NOL4: variants seen among roughly 807,000 people sequenced by gnomAD.
NOL4 encodes nucleolar protein 4, also known as cancer/testis antigen 125.
Under a neutral mutation model 75.9 loss-of-function variants are expected in NOL4, and 17 were observed. That is an observed-to-expected ratio of 0.22 (90% CI 0.15 to 0.34). The LOEUF is 0.34. Ranked by LOEUF, NOL4 falls within the 10% of genes least tolerant of loss-of-function variation. The probability of loss-of-function intolerance (pLI) is 1.00; values close to 1 mark genes in which losing one functional copy is unlikely to be tolerated. For missense variants in NOL4, 614 were observed against 793.5 expected, an observed-to-expected ratio of 0.77 and a Z score of 2.72; for synonymous variants, 292 against 289.9, an observed-to-expected ratio of 1.01 and a Z score of -0.07.
chr18:34,174,466 C>G (rs1354762746), intron 1 of NOL4, among the ~76,000 whole-genome samples: 1 of 152,098 alleles, frequency 6.6e-6, no homozygotes, highest in African/African-American at 2.4e-5. Context: ...TTAGCTTGCT[C>G]TAGATTCATC....
At chr18:34,181,035 C>T (rs188099956) in intron 1 of NOL4, among the ~76,000 whole-genome samples, 2 of 151,326 alleles carry the variant, frequency 1.3e-5, no homozygotes, top group African/African-American at 4.8e-5. Flanking sequence ...ATCAAAATTC[C>T]AAATGTCTTT....
chr18:33,870,765 T>C (rs2063661632), intron 10 of NOL4, among the ~76,000 whole-genome samples: 1 of 151,976 alleles, frequency 6.6e-6, no homozygotes, highest in South Asian at 2.1e-4. Context: ...CTATATCACC[T>C]GAAATAGGCA....
chr18:34,117,023 T>C (rs2079893186), intron 2 of NOL4, among the ~76,000 whole-genome samples: 1 of 152,174 alleles, frequency 6.6e-6, no homozygotes, highest in African/African-American at 2.4e-5. Flanking sequence ...AAATTAAGAT[T>C]CTCGTTAATT....
In NOL4 at chr18:34,223,542, A is replaced by G. The variant is rs1236579195; in HGVS notation, c.-289T>C. On this transcript the variant is annotated 5_prime_UTR_variant, in exon 1 of 11. Coordinates refer to ENST00000261592, the MANE Select transcript of NOL4 (RefSeq NM_003787.5). Reference sequence around the variant, plus strand: ...TCGGTCTCTTTAATATTTTGTGACCAGGACCATCCCAACACCATTCTGGCC... The same window carrying G: ...TCGGTCTCTTTAATATTTTGTGACCGGGACCATCCCAACACCATTCTGGCC... The G allele has an allele frequency of 8.0e-6, 4 of 501,756 alleles. No individual in the cohort carries two copies. In the East Asian group the frequency reaches 1.4e-4, roughly 17 times the overall value. The allele number at this position is 501,756 out of a possible 1,614,324, so 31.1% of individuals were successfully genotyped here.
At chr18:34,217,278 T>C (rs1000237177) in intron 1 of NOL4, among the ~76,000 whole-genome samples, 2 of 151,836 alleles carry the variant, frequency 1.3e-5, no homozygotes, top group South Asian at 2.1e-4. Context: ...ATTTCTTTCT[T>C]TTTTTTTATT....
chr18:34,025,330 C>T (rs1402968745), intron 5 of NOL4, among the ~76,000 whole-genome samples: 4 of 152,078 alleles, frequency 2.6e-5, no homozygotes, highest in Non-Finnish European at 4.4e-5. Context: ...GGTTAACAAA[C>T]CCCTGGAAGA....
intron 9 of NOL4, among the ~76,000 whole-genome samples, chr18:33,933,103 G>T (rs2067812126): frequency 6.6e-6 from 1 of 152,068 alleles, no homozygotes; most frequent in African/African-American, 2.4e-5. Context: ...AACAAATATT[G>T]CATTTAAGCA....
At chr18:33,925,639 T>C (rs373420662) in intron 9 of NOL4, among the ~76,000 whole-genome samples, 13 of 152,318 alleles carry the variant, frequency 8.5e-5, no homozygotes, top group South Asian at 4.1e-4. Context: ...TATGATGACA[T>C]TAACAGTTGA....
At chr18:34,024,691 A>C (rs567268308) in intron 5 of NOL4, among the ~76,000 whole-genome samples, 9 of 152,142 alleles carry the variant, frequency 5.9e-5, no homozygotes, top group South Asian at 2.1e-4. Flanking sequence ...CCTTGGTAGC[A>C]CTTTCCAGCA....
intron 1 of NOL4, among the ~76,000 whole-genome samples, chr18:34,172,796 T>G (rs1266860946): frequency 6.6e-6 from 1 of 152,124 alleles, no homozygotes; most frequent in Non-Finnish European, 1.5e-5. Context: ...ATATACCTGT[T>G]GGCCATATTT....
chr18:34,026,810 G>A (rs2075365632), intron 5 of NOL4, among the ~76,000 whole-genome samples: 1 of 152,058 alleles, frequency 6.6e-6, no homozygotes, highest in Admixed American at 6.6e-5. Context: ...TGGTATTAAG[G>A]GAGTTTATCG....
intron 2 of NOL4, among the ~76,000 whole-genome samples, chr18:34,125,564 T>C (rs76513131): frequency 0.026 from 3,883 of 152,138 alleles, 56 homozygotes; most frequent in African/African-American, 0.031. Context: ...CCAATAGATA[T>C]TTATAAAAAG....
At chr18:33,999,606 C>T (rs976913025) in intron 6 of NOL4, among the ~76,000 whole-genome samples, 13 of 151,954 alleles carry the variant, frequency 8.6e-5, no homozygotes, top group Admixed American at 2.0e-4. Flanking sequence ...AGCTGTACAG[C>T]GTTATCTCAG....
intron 5 of NOL4, among the ~76,000 whole-genome samples, chr18:34,064,612 GATT>G (rs1169192566): frequency 2.6e-5 from 4 of 151,866 alleles, no homozygotes; most frequent in Admixed American, 6.6e-5. Flanking sequence ...TATGCTCATA[GATT>G]ATTATTATTA....
At chr18:34,140,832 C>T (rs1748892407) in intron 1 of NOL4, among the ~76,000 whole-genome samples, 1 of 152,058 alleles carries the variant, frequency 6.6e-6, no homozygotes, top group South Asian at 2.1e-4. Context: ...TGTTCCTTTC[C>T]ATGTTTAGCG....
intron 9 of NOL4, among the ~76,000 whole-genome samples, chr18:33,913,530 C>T (rs938951158): frequency 3.3e-5 from 5 of 152,084 alleles, no homozygotes; most frequent in African/African-American, 1.2e-4. Context: ...TTTAATAGTT[C>T]CATCACAAAG....
chr18:34,139,513 C>T (rs1002887066), intron 1 of NOL4, among the ~76,000 whole-genome samples: 8 of 152,154 alleles, frequency 5.3e-5, no homozygotes, highest in African/African-American at 1.9e-4. Flanking sequence ...TCTGTGGGAT[C>T]AGTGGTGATC....
chr18:34,180,561 A>G (rs976178180), intron 1 of NOL4, among the ~76,000 whole-genome samples: 3 of 151,536 alleles, frequency 2.0e-5, no homozygotes, highest in Admixed American at 2.0e-4. Context: ...GAAGGAGACA[A>G]GAGTGTATGC....
At chr18:34,113,641 A>G (rs2079714693) in intron 2 of NOL4, among the ~76,000 whole-genome samples, 1 of 151,768 alleles carries the variant, frequency 6.6e-6, no homozygotes, top group Non-Finnish European at 1.5e-5. Context: ...TGCCTCTTAA[A>G]AAAAAAAAAT....
Sources: gnomAD v4.1 joint callset for allele counts (sites outside exome capture counted in the v4.1 genomes callset) on GRCh38, gnomAD v4.1.1 for gene constraint, MANE v1.5 for transcripts, NCBI Gene and HGNC (gene_info 2026-07-23, HGNC 2026-07-21) for gene names.